CYP2C8: variants seen among roughly 807,000 people sequenced by gnomAD.
The protein encoded by CYP2C8 is cytochrome P450 2C8.
In CYP2C8, 51 loss-of-function variants were observed where a neutral mutation model predicts 41.3. The observed-to-expected ratio is 1.24, with a 90% CI of 0.99 to 1.56. The LOEUF (loss-of-function observed/expected upper bound fraction) is 1.56. Ranked by LOEUF, CYP2C8 falls within the 40% of genes most tolerant of loss-of-function variation. The probability of loss-of-function intolerance (pLI) is 0.00; values close to 1 mark genes in which losing one functional copy is unlikely to be tolerated. For missense variants in CYP2C8, 651 were observed against 579.9 expected (o/e 1.12, Z -1.26); for synonymous variants, 218 against 205.8 (o/e 1.06, Z -0.51).
Position 95,064,840 on chromosome 10 carries a change from A to T in CYP2C8, c.602T>A (p.Phe201Tyr), listed in dbSNP as rs201045618. Residue 201 changes from phenylalanine (F) to tyrosine (Y), a missense_variant, in exon 4 of 9, where the codon TTC becomes TAC. Phe to Tyr is a conservative substitution (Grantham distance 22). Transcript: ENST00000371270. ...DQNFLTLMKR[F>Y]NENFRILNSP... ...GTTCAGAATCCTGAAGTTTTCATTG[A>T]ATCTTTTCATCAGGGTGAGAAAATT... The T allele has an allele frequency of 2.8e-5, 45 of 1,614,100 alleles. No individual in the cohort carries two copies. The highest frequency in any genetic ancestry group is 2.0e-4 in the East Asian group (9 of 44,864).
At chr10:95,049,629 C>T (rs1283692605) in intron 5 of CYP2C8, among the ~76,000 whole-genome samples, 1 of 152,104 alleles carries the variant, frequency 6.6e-6, no homozygotes, top group Non-Finnish European at 1.5e-5. Context: ...TCACTGTGGA[C>T]TATAGGGCTC....
At chr10:95,069,134 T>A in intron 1 of CYP2C8, 101 bp downstream of exon 1, 1 of 1,311,094 alleles carries the variant, frequency 7.6e-7, no homozygotes, top group African/African-American at 1.5e-5. Flanking sequence ...TTTACAATGA[T>A]CTATTATAAT....
Position 95,059,257 on chromosome 10 carries a change from C to G in CYP2C8, c.643-746G>C, listed in dbSNP as rs576538174. Among the ~76,000 whole-genome samples the G allele has an allele frequency of 4.2e-4, 64 of 152,312 alleles. 1 individual carries two copies. Among genetic ancestry groups the G allele is most frequent in the African/African-American group, 1.4e-3 (58 of 41,568 alleles). ...ATGGTTGAACTAGTTTACAGTCCCA[C>G]CAACAGTGTAAAAGTGCTCCTATTT... On this transcript the variant is annotated intron_variant, in intron 4 of 8. Coordinates refer to ENST00000371270, the MANE Select transcript of CYP2C8 (RefSeq NM_000770.3).
rs575306025 is a variant in CYP2C8 at position 95,061,386 on chromosome 10, A to T, written c.643-2875T>A. On this transcript the variant is annotated intron_variant, in intron 4 of 8. Transcript: ENST00000371270. ...TAGTCTTGGGAGGGTGTATGTGTGG[A>T]GAAATTTATCCATTTCTTCTAGATT... 2.6e-5 allele frequency among the ~76,000 whole-genome samples: 4 copies of T among 152,280 alleles called. No homozygotes were observed. The South Asian group carries it at 8.3e-4, about 32-fold the overall frequency.
intron 4 of CYP2C8, among the ~76,000 whole-genome samples, chr10:95,061,278 T>G (rs553385498): frequency 2.4e-3 from 371 of 152,292 alleles, no homozygotes; most frequent in African/African-American, 8.7e-3. Flanking sequence ...TCCTGGACTT[T>G]TTTTGGTTGG....
At chr10:95,066,143 AGAGAGAGAGAGTGT>A (rs1240963417) in intron 3 of CYP2C8, among the ~76,000 whole-genome samples, 4 of 112,780 alleles carry the variant, frequency 3.5e-5, no homozygotes, top group African/African-American at 1.1e-4. Flanking sequence ...AGAGAGAGAG[AGAGAGAGAGAGTGT>A]GTGTGTGTGT....
At chr10:95,045,111 C>T (rs1246081240) in intron 6 of CYP2C8, among the ~76,000 whole-genome samples, 2 of 152,130 alleles carry the variant, frequency 1.3e-5, no homozygotes, top group Admixed American at 6.5e-5. Context: ...AAAGCAGGAA[C>T]TATTTAAATG....
rs113939225 is a variant in CYP2C8 at position 95,069,236 on chromosome 10, T to C, written c.167A>G (p.Asn56Ser). The change falls in exon 1 of 9, where the codon AAT (asparagine) becomes AGT (serine). Residue 56 changes from asparagine (N) to serine (S), a missense_variant and splice_region_variant. Transcript: ENST00000371270. Reference protein sequence around the residue: ...DVKDICKSFTNFSKVYGPVFT... With the variant: ...DVKDICKSFTSFSKVYGPVFT... ...TGGAGGAACATAAGGCAGACTTACA[T>C]TGGTGAAAGATTTGCAGATGTCCTT... 1.6e-5 allele frequency: 26 copies of C among 1,613,996 alleles called. No homozygotes were observed. Among genetic ancestry groups the C allele is most frequent in the South Asian group, 4.4e-5 (4 of 91,086 alleles).
chr10:95,061,533 T>C (rs1344841477), intron 4 of CYP2C8, among the ~76,000 whole-genome samples: 1 of 152,192 alleles, frequency 6.6e-6, no homozygotes, highest in Non-Finnish European at 1.5e-5. Context: ...TTTCTCTCTT[T>C]TCTTCTTTAT....
intron 1 of CYP2C8, chr10:95,068,662 C>T: frequency 8.0e-7 from 1 of 1,242,722 alleles, no homozygotes; most frequent in Non-Finnish European, 1.1e-6. Flanking sequence ...GCACTTTAAA[C>T]TTTTGCCACT....
At chr10:95,054,110 G>T (rs1206178609) in intron 5 of CYP2C8, among the ~76,000 whole-genome samples, 1 of 151,934 alleles carries the variant, frequency 6.6e-6, no homozygotes, top group East Asian at 1.9e-4. Flanking sequence ...ATTCAGCATC[G>T]TTCTTAAGGT....
In CYP2C8 at chr10:95,067,217, T is replaced by C. The variant is rs201561213; in HGVS notation, c.472A>G (p.Lys158Glu). ...EAHCLVEELR[K>E]TKASPCDPTF... ...GAGTAGAGTCACCCACCCTTGGTTT[T>C]TCTCAACTCCTCCACAAGGCAGTGA... The change falls in exon 3 of 9, where the codon AAA becomes GAA. Residue 158 changes from lysine (K) to glutamate (E), a missense_variant. Coordinates refer to ENST00000371270, the MANE Select transcript of CYP2C8 (RefSeq NM_000770.3). The C allele has an allele frequency of 2.8e-4, 448 of 1,614,014 alleles. No individual in the cohort carries two copies. The highest frequency in any genetic ancestry group is 3.7e-4 in the Non-Finnish European group (432 of 1,179,992).
chr10:95,066,153 A>AGAGAGT (rs1342809282), intron 3 of CYP2C8, among the ~76,000 whole-genome samples: 150 of 88,264 alleles, frequency 1.7e-3, no homozygotes, highest in Non-Finnish European at 2.2e-3. Context: ...AGAGAGAGAG[A>AGAGAGT]GTGTGTGTGT....
intron 5 of CYP2C8, among the ~76,000 whole-genome samples, chr10:95,053,099 A>T (rs2033242388): frequency 6.6e-6 from 1 of 152,222 alleles, no homozygotes. Context: ...AAGTTGCAAG[A>T]TACAAAATAA....
rs138512391 is a variant in CYP2C8, at chr10:95,052,048, A to G, written c.820-6097T>C. 2.9e-3 allele frequency among the ~76,000 whole-genome samples: 435 copies of G among 152,230 alleles called. 2 individuals are homozygous for G. The highest frequency in any genetic ancestry group is 1.0e-2 in the African/African-American group (415 of 41,570). On this transcript the variant is annotated intron_variant, in intron 5 of 8. Coordinates refer to ENST00000371270, the MANE Select transcript of CYP2C8 (RefSeq NM_000770.3). ...AAGTTGTTCTTTAGAAGCATTAAAG[A>G]AAGCTGACAAACCTTTAGCCAGACT...
intron 1 of CYP2C8, 89 bp downstream of exon 1, chr10:95,069,143 ATAG>A: frequency 7.3e-7 from 1 of 1,373,150 alleles, no homozygotes; most frequent in Non-Finnish European, 1.0e-6. Context: ...ATCTATTATA[ATAG>A]TGTGCTTCCA....
intron 5 of CYP2C8, among the ~76,000 whole-genome samples, chr10:95,047,222 G>A (rs2033127354): frequency 6.6e-6 from 1 of 152,158 alleles, no homozygotes; most frequent in Non-Finnish European, 1.5e-5. Flanking sequence ...TGGGCCTCAT[G>A]TTCTTATAAA....
At chr10:95,068,480 C>T (rs1463133601) in intron 1 of CYP2C8, 4 of 671,968 alleles carry the variant, frequency 6.0e-6, no homozygotes, top group Non-Finnish European at 2.3e-6. Flanking sequence ...ATTTATTTCA[C>T]ATCAGCCATC....
At chr10:95,059,949 G>C (rs2033390694) in intron 4 of CYP2C8, among the ~76,000 whole-genome samples, 1 of 152,152 alleles carries the variant, frequency 6.6e-6, no homozygotes, top group African/African-American at 2.4e-5. Flanking sequence ...AGATCAGATA[G>C]TTGTAGATCT....
Sources: gnomAD v4.1 joint callset for allele counts (sites outside exome capture counted in the v4.1 genomes callset) on GRCh38, gnomAD v4.1.1 for gene constraint, MANE v1.5 for transcripts, NCBI Gene and HGNC (gene_info 2026-07-23, HGNC 2026-07-21) for gene names.